MYOCD: variants seen among roughly 807,000 people sequenced by gnomAD.
MYOCD encodes the protein myocardin.
In MYOCD, 32 loss-of-function variants were observed where a neutral mutation model predicts 96.1. The observed-to-expected ratio is 0.33, with a 90% CI of 0.25 to 0.45. The LOEUF (loss-of-function observed/expected upper bound fraction) is 0.45. Ranked by LOEUF, MYOCD falls within the 20% of genes least tolerant of loss-of-function variation. The pLI, the probability that MYOCD is intolerant of heterozygous loss-of-function variation, is 1.00. For synonymous variants in MYOCD, 469 were observed against 469.0 expected, an observed-to-expected ratio of 1.00 and a Z score of 0.00; for missense variants, 1,133 against 1,200.6, an observed-to-expected ratio of 0.94 and a Z score of 0.83.
At chr17:12,708,849 C>T (rs1045422204) in intron 2 of MYOCD, among the ~76,000 whole-genome samples, 2 of 152,180 alleles carry the variant, frequency 1.3e-5, no homozygotes, top group Non-Finnish European at 2.9e-5. Flanking sequence ...TGATCCCCGC[C>T]TAGGCTCCTT....
At chr17:12,715,134 C>G (rs2031599560) in intron 2 of MYOCD, among the ~76,000 whole-genome samples, 1 of 152,160 alleles carries the variant, frequency 6.6e-6, no homozygotes, top group African/African-American at 2.4e-5. Context: ...CTTTTGCACT[C>G]TAGGGCAGAG....
intron 5 of MYOCD, among the ~76,000 whole-genome samples, chr17:12,728,162 T>C (rs993518347): frequency 2.6e-5 from 4 of 152,172 alleles, no homozygotes; most frequent in Non-Finnish European, 4.4e-5. Context: ...TCTTGCTCAG[T>C]TTATGAGTGG....
chr17:12,732,439 G>C (rs1401883180), intron 5 of MYOCD, among the ~76,000 whole-genome samples: 1 of 152,092 alleles, frequency 6.6e-6, no homozygotes, highest in Non-Finnish European at 1.5e-5. Context: ...ACCTCCTCCG[G>C]GAGGCTTCTT....
chr17:12,753,888 C>G (rs2150721302), intron 10 of MYOCD, among the ~76,000 whole-genome samples: 1 of 152,330 alleles, frequency 6.6e-6, no homozygotes. Context: ...ATTTACTGAG[C>G]ACCTACTATG....
Position 12,739,270 on chromosome 17 carries a change from C to T in MYOCD, c.659C>T (p.Ala220Val), listed in dbSNP as rs139284512. The change falls in exon 7 of 14, where the codon GCG becomes GTG. Residue 220 changes from alanine to valine, a missense_variant. By Grantham distance (64) the Ala-to-Val change is moderately conservative. Transcript: ENST00000425538. ...TCACAGCCCAGCCACCAGTCAGATG[C>T]GGGGAAGCAGGGGCTTGGCCCCCCC... is the stretch of plus-strand genomic sequence containing the variant. ...SASQPSHQSD[A>V]GKQGLGPPST... 37 of 1,608,584 alleles carry T rather than the reference C, an allele frequency of 2.3e-5. No homozygotes were observed. The highest frequency in any genetic ancestry group is 1.1e-4 in the East Asian group (5 of 44,470).
At chr17:12,678,392 T>C (rs891443000) in intron 1 of MYOCD, among the ~76,000 whole-genome samples, 1 of 152,058 alleles carries the variant, frequency 6.6e-6, no homozygotes, top group Non-Finnish European at 1.5e-5. Context: ...ATCTGGTCTT[T>C]TGATGCCTCT....
At position 12,765,381 on chromosome 17, in the gene MYOCD, G is replaced by T. The variant is rs2150733337; in HGVS notation, c.*1737G>T. The T allele has an allele frequency of 6.6e-6, 1 of 151,502 alleles. No homozygotes were observed. The highest frequency in any genetic ancestry group is 2.0e-4 in the East Asian group (1 of 5,128). The allele number at this position is 151,502 out of a possible 1,614,324, so 9.4% of individuals were successfully genotyped here. A position where few individuals can be genotyped will look rare whatever the true frequency, so the allele number is the denominator to read the frequency against. Reference sequence around the variant, plus strand: ...AATAATCAAAAATGTTGGGATTTTAGAAGCTCTCTTTTTGATAAACCAAAG... The same window carrying T: ...AATAATCAAAAATGTTGGGATTTTATAAGCTCTCTTTTTGATAAACCAAAG... On this transcript the variant is annotated 3_prime_UTR_variant, in exon 14 of 14. Coordinates refer to ENST00000425538, the MANE Select transcript of MYOCD (RefSeq NM_001146312.3).
At chr17:12,749,307 C>A (rs535901218) in intron 9 of MYOCD, among the ~76,000 whole-genome samples, 1 of 152,074 alleles carries the variant, frequency 6.6e-6, no homozygotes, top group East Asian at 1.9e-4. Flanking sequence ...GTGGGCGGAT[C>A]GCTTGAGGTC....
chr17:12,718,551 T>TTG (rs2031718669), intron 4 of MYOCD, among the ~76,000 whole-genome samples: 1 of 152,170 alleles, frequency 6.6e-6, no homozygotes, highest in Admixed American at 6.6e-5. Flanking sequence ...GTGACATCAT[T>TTG]TGTTATTTAT....
At chr17:12,708,898 C>G (rs1325278555) in intron 2 of MYOCD, among the ~76,000 whole-genome samples, 1 of 152,184 alleles carries the variant, frequency 6.6e-6, no homozygotes. Flanking sequence ...GCCTTTAAAA[C>G]CACTTATATT....
intron 2 of MYOCD, among the ~76,000 whole-genome samples, chr17:12,709,854 ATTC>A (rs779863210): frequency 7.9e-5 from 12 of 152,138 alleles, no homozygotes; most frequent in Admixed American, 5.9e-4. Context: ...CTCTCCTGCA[ATTC>A]TTCTCCCTGG....
chr17:12,712,165 A>T (rs955724024), intron 2 of MYOCD, among the ~76,000 whole-genome samples: 5 of 152,064 alleles, frequency 3.3e-5, no homozygotes, highest in African/African-American at 1.2e-4. Flanking sequence ...CCGGCCAAGA[A>T]TTGGAATTTC....
Position 12,758,064 on chromosome 17 carries a change from C to T in MYOCD, c.2203-21C>T, listed in dbSNP as rs780645122. 73 of 1,537,300 alleles carry T rather than the reference C, an allele frequency of 4.7e-5. 3 individuals carry two copies. In the South Asian group the frequency reaches 6.4e-4, roughly 13 times the overall value. On this transcript the variant is annotated intron_variant, in intron 11 of 13. Transcript: ENST00000425538. ...TCAGATCCATGAATTCAATGCCTTT[C>T]TTCATATTTTACCCATGCAGATGGC...
intron 1 of MYOCD, among the ~76,000 whole-genome samples, chr17:12,701,877 T>C (rs1296993390): frequency 6.6e-6 from 1 of 152,138 alleles, no homozygotes; most frequent in East Asian, 1.9e-4. Context: ...TATATTGCTT[T>C]TGAGTTAGAA....
intron 13 of MYOCD, chr17:12,762,298 G>A (rs550978180): frequency 6.6e-6 from 1 of 152,410 alleles, no homozygotes; most frequent in Admixed American, 6.5e-5. Flanking sequence ...ACATAGTAGA[G>A]TCTATGGATT....
At chr17:12,681,994 A>G (rs1910495639) in intron 1 of MYOCD, among the ~76,000 whole-genome samples, 1 of 152,224 alleles carries the variant, frequency 6.6e-6, no homozygotes, top group Non-Finnish European at 1.5e-5. Context: ...AATTGAGCTC[A>G]GGCATTAGCA....
chr17:12,707,374 G>C (rs1178073003), intron 2 of MYOCD, among the ~76,000 whole-genome samples: 1 of 152,128 alleles, frequency 6.6e-6, no homozygotes, highest in East Asian at 1.9e-4. Context: ...TGGTCCCTCA[G>C]AGAGAGTCAA....
chr17:12,713,463 T>C (rs2031541815), intron 2 of MYOCD, among the ~76,000 whole-genome samples: 1 of 152,220 alleles, frequency 6.6e-6, no homozygotes, highest in African/African-American at 2.4e-5. Context: ...GATCTATTCA[T>C]GCTAATCCTT....
At chr17:12,693,314 C>A (rs116867386) in intron 1 of MYOCD, among the ~76,000 whole-genome samples, 4,563 of 151,330 alleles carry the variant, frequency 0.03, 168 homozygotes, top group Admixed American at 0.11. Context: ...AACAAACAAA[C>A]AAAAAAAACC....
Sources: allele counts gnomAD v4.1 joint callset (sites outside exome capture counted in the v4.1 genomes callset), GRCh38; gene constraint gnomAD v4.1.1; transcripts MANE v1.5; gene names NCBI Gene and HGNC (gene_info 2026-07-23, HGNC 2026-07-21).